Variants in PRKCH observed in about 807,000 individuals in gnomAD.
PRKCH encodes the protein protein kinase C eta type.
Under a neutral mutation model 82.5 loss-of-function variants are expected in PRKCH, and 28 were observed. The observed-to-expected ratio is 0.34, with a 90% confidence interval of 0.25 to 0.47. PRKCH has a LOEUF of 0.47. Among genes scored for constraint, PRKCH ranks in the 20% least tolerant of loss-of-function variants. The pLI is 1.00. For missense variants in PRKCH, 705 were observed against 881.8 expected, an observed-to-expected ratio of 0.80 and a Z score of 2.54; for synonymous variants, 322 against 327.4, an observed-to-expected ratio of 0.98 and a Z score of 0.18.
intron 1 of PRKCH, among the ~76,000 whole-genome samples, chr14:61,377,924 T>A (rs2140181460): frequency 6.6e-6 from 1 of 152,344 alleles, no homozygotes; most frequent in South Asian, 2.1e-4. Context: ...AAACCTCTAG[T>A]GGCTCCCCTT....
chr14:61,228,701 G>C (rs1422671211), intron 1 of PRKCH, among the ~76,000 whole-genome samples: 1 of 151,984 alleles, frequency 6.6e-6, no homozygotes, highest in Non-Finnish European at 1.5e-5. Flanking sequence ...CCTAAGGAAA[G>C]CAGTTCGGGA....
chr14:61,499,309 C>G (rs1358901440), intron 10 of PRKCH, among the ~76,000 whole-genome samples: 1 of 152,182 alleles, frequency 6.6e-6, no homozygotes, highest in Non-Finnish European at 1.5e-5. Context: ...TGAAGTGGTA[C>G]AAGTGCTCTG....
At position 61,485,403 on chromosome 14, in the gene PRKCH, A is replaced by G. The variant is rs1886173583; in HGVS notation, c.1279-99A>G. On this transcript the variant is annotated intron_variant, in intron 9 of 13. Coordinates refer to ENST00000332981, the MANE Select transcript of PRKCH (RefSeq NM_006255.5). ...GTTTCCTGGAATACATCCACTTGAC[A>G]GTGTCCTCTCTATGCCACAGCCTTA... 8.5e-6 allele frequency: 12 copies of G among 1,409,332 alleles called. No individual in the cohort carries two copies. The Admixed American group carries it at 2.5e-4, about 29-fold the overall frequency. The allele number at this position is 1,409,332 out of a possible 1,614,324, so 87.3% of individuals were successfully genotyped here. A position where few individuals can be genotyped will look rare whatever the true frequency, so the allele number is the denominator to read the frequency against.
chr14:61,400,072 C>G (rs187753784), intron 2 of PRKCH, among the ~76,000 whole-genome samples: 13 of 152,194 alleles, frequency 8.5e-5, no homozygotes, highest in Admixed American at 2.0e-4. Flanking sequence ...GAATAAGAGT[C>G]TGATCTTTTT....
At chr14:61,247,711 G>A (rs530062808) in intron 1 of PRKCH, among the ~76,000 whole-genome samples, 13 of 114,460 alleles carry the variant, frequency 1.1e-4, no homozygotes, top group Non-Finnish European at 2.0e-4. Context: ...ATTCCAGCTT[G>A]AGAGACAGAG....
chr14:61,443,455 A>G (rs1464721197), intron 3 of PRKCH, among the ~76,000 whole-genome samples, 194 bp downstream of exon 3: 1 of 152,244 alleles, frequency 6.6e-6, no homozygotes, highest in African/African-American at 2.4e-5. Context: ...TACAGATCCA[A>G]GTTTTAGATA....
intron 1 of PRKCH, among the ~76,000 whole-genome samples, chr14:61,292,621 A>G (rs370012985): frequency 4.1e-4 from 62 of 152,202 alleles, no homozygotes; most frequent in African/African-American, 1.4e-3. Flanking sequence ...AAATACAAAA[A>G]TTAGCCAGGC....
intron 1 of PRKCH, chr14:61,298,805 A>G (rs1325183280): frequency 6.6e-6 from 1 of 152,124 alleles, no homozygotes; most frequent in Non-Finnish European, 1.5e-5. Context: ...AGCAACCTCA[A>G]TTCTTGCCTC....
intron 2 of PRKCH, among the ~76,000 whole-genome samples, chr14:61,436,739 G>A (rs1023662458): frequency 6.6e-6 from 1 of 152,146 alleles, no homozygotes; most frequent in Non-Finnish European, 1.5e-5. Context: ...CACCATGTTG[G>A]CCAGACGGTC....
chr14:61,449,323 C>A, intron 5 of PRKCH, 71 bp downstream of exon 5: 1 of 1,192,756 alleles, frequency 8.4e-7, no homozygotes, highest in Non-Finnish European at 1.2e-6. Context: ...CGTCTCTCTC[C>A]CTCCCTCCCT....
At chr14:61,233,130 G>A (rs1267431609) in intron 1 of PRKCH, among the ~76,000 whole-genome samples, 4 of 152,206 alleles carry the variant, frequency 2.6e-5, no homozygotes, top group African/African-American at 9.6e-5. Context: ...ATGTCTCCCA[G>A]AGTGAGGCCA....
At chr14:61,261,134 G>A (rs1200489923) in intron 1 of PRKCH, among the ~76,000 whole-genome samples, 1 of 152,058 alleles carries the variant, frequency 6.6e-6, no homozygotes, top group South Asian at 2.1e-4. Context: ...ACAAACCCAG[G>A]GATGACTCAC....
chr14:61,207,401 GGAA>G (rs1474551202), intron 1 of PRKCH, among the ~76,000 whole-genome samples: 1 of 152,036 alleles, frequency 6.6e-6, no homozygotes, highest in Non-Finnish European at 1.5e-5. Flanking sequence ...CAATACATTC[GGAA>G]GACTCAATCC....
chr14:61,527,626 G>A (rs1394113437), intron 10 of PRKCH, among the ~76,000 whole-genome samples: 2 of 152,170 alleles, frequency 1.3e-5, no homozygotes, highest in Non-Finnish European at 2.9e-5. Context: ...TAATGAGGGA[G>A]CATCAATGAG....
rs2044383410 is a variant in PRKCH, at chr14:61,188,589, CGGGGGGGT to C, written c.-19+932_-19+939del. 5.1e-5 allele frequency among the ~76,000 whole-genome samples: 2 copies of C among 39,526 alleles called. 1 individual carries two copies. Among genetic ancestry groups the C allele is most frequent in the Non-Finnish European group, 1.1e-4 (2 of 18,932 alleles). The allele number at this position is 39,526 out of a possible 152,430, so 25.9% of individuals were successfully genotyped here. On this transcript the variant is annotated intron_variant, in intron 1 of 3. Coordinates refer to the PRKCH transcript ENST00000555185. ...ACGTTGCTGTAGTGTGTGTGTGTGTCGGGGGGGTGGGGGGGTGGTGTGGTGTGTGTGTG... is the reference window on the plus strand; with the variant it reads ...ACGTTGCTGTAGTGTGTGTGTGTGTCGGGGGGGTGGTGTGGTGTGTGTGTG...
chr14:61,428,330 G>A (rs1784740026), intron 2 of PRKCH, among the ~76,000 whole-genome samples: 1 of 151,924 alleles, frequency 6.6e-6, no homozygotes. Context: ...TCGGTTTTAG[G>A]TCTCTATTTT....
At chr14:61,281,390 G>A (rs2045265056) in intron 1 of PRKCH, 3 of 335,104 alleles carry the variant, frequency 9.0e-6, no homozygotes, top group South Asian at 1.6e-4. Context: ...ACCCCCGCGG[G>A]TCACCGGGAG....
intron 1 of PRKCH, chr14:61,326,873 C>T: frequency 8.4e-6 from 2 of 238,954 alleles, no homozygotes; most frequent in South Asian, 4.4e-5. Context: ...GTTTATTTTG[C>T]ATAATTTCTC....
At chr14:61,268,329 G>A (rs534428291) in intron 1 of PRKCH, among the ~76,000 whole-genome samples, 3 of 152,124 alleles carry the variant, frequency 2.0e-5, no homozygotes, top group Admixed American at 1.3e-4. Flanking sequence ...TTGAAGAATG[G>A]TACCAGCTTC....
Sources: gnomAD v4.1 joint callset for allele counts (sites outside exome capture counted in the v4.1 genomes callset) on GRCh38, gnomAD v4.1.1 for gene constraint, MANE v1.5 for transcripts, NCBI Gene and HGNC (gene_info 2026-07-23, HGNC 2026-07-21) for gene names.